Variants in DPH5 observed in about 807,000 individuals in gnomAD.
The protein encoded by DPH5 is diphthamide biosynthesis 5, also known as diphthine methyl ester synthase.
In DPH5, 31 loss-of-function variants were observed where a neutral mutation model predicts 31.6. The observed-to-expected ratio is 0.98, with a 90% CI of 0.74 to 1.32. DPH5 has a LOEUF of 1.32. Among genes scored for constraint, DPH5 ranks in the 40% most tolerant of loss-of-function variants. DPH5 has a pLI of 0.00. For synonymous variants in DPH5, 120 were observed against 115.0 expected, an observed-to-expected ratio of 1.04 and a Z score of -0.28; for missense variants, 309 against 335.7, an observed-to-expected ratio of 0.92 and a Z score of 0.62.
At chr1:100,998,507 T>TA (rs5776553) in intron 5 of DPH5, among the ~76,000 whole-genome samples, 47 of 137,476 alleles carry the variant, frequency 3.4e-4, no homozygotes, top group African/African-American at 8.9e-4. Context: ...AACCTTATCT[T>TA]AAAAAAAAAA....
intron 4 of DPH5, among the ~76,000 whole-genome samples, chr1:101,009,345 G>A (rs982653961): frequency 6.6e-6 from 1 of 152,198 alleles, no homozygotes; most frequent in African/African-American, 2.4e-5. Flanking sequence ...TCGAGCAGTA[G>A]TAATAGAAGA....
intron 5 of DPH5, among the ~76,000 whole-genome samples, chr1:100,997,587 G>A (rs953438432): frequency 2.4e-4 from 36 of 152,108 alleles, no homozygotes; most frequent in African/African-American, 8.4e-4. Flanking sequence ...AGATGGTCTC[G>A]ATCTTCTGAC....
At chr1:101,019,249 A>G (rs1660291036) in intron 3 of DPH5, among the ~76,000 whole-genome samples, 1 of 152,126 alleles carries the variant, frequency 6.6e-6, no homozygotes, top group Non-Finnish European at 1.5e-5. Flanking sequence ...TGTGTGATCT[A>G]TTTCCATATT....
intron 4 of DPH5, among the ~76,000 whole-genome samples, chr1:101,006,892 A>T (rs1266820908): frequency 6.6e-6 from 1 of 152,204 alleles, no homozygotes; most frequent in African/African-American, 2.4e-5. Context: ...AATGATAGGA[A>T]ATTATACAAC....
At chr1:101,007,968 ATATGT>A (rs1289079126) in intron 4 of DPH5, among the ~76,000 whole-genome samples, 7 of 152,348 alleles carry the variant, frequency 4.6e-5, no homozygotes, top group African/African-American at 1.4e-4. Flanking sequence ...AGTGTTAGAA[ATATGT>A]TAGGAATTTA....
intron 4 of DPH5, among the ~76,000 whole-genome samples, chr1:101,003,459 C>T (rs1659013890): frequency 6.6e-6 from 1 of 152,174 alleles, no homozygotes; most frequent in Non-Finnish European, 1.5e-5. Context: ...ATGTCTCATA[C>T]AGCAGAGAAA....
At chr1:101,021,123 CAA>C (rs1660406697) in intron 3 of DPH5, among the ~76,000 whole-genome samples, 1 of 151,962 alleles carries the variant, frequency 6.6e-6, no homozygotes, top group African/African-American at 2.4e-5. Context: ...GTGGTAATGA[CAA>C]AGAACAGGGT....
chr1:101,025,564 G>A (rs1256221281), intron 1 of DPH5, 98 bp from the exon 2 acceptor site: 7 of 1,249,570 alleles, frequency 5.6e-6, no homozygotes, highest in East Asian at 2.5e-5. Context: ...CAAGAGAAGA[G>A]GCAAGTCACA....
chr1:101,014,530 T>C lies in DPH5; in HGVS notation c.261-712A>G, dbSNP rs115795416. 5.9e-3 allele frequency among the ~76,000 whole-genome samples: 894 copies of C among 152,340 alleles called. 5 individuals are homozygous for C. The highest frequency in any genetic ancestry group is 0.021 in the African/African-American group (862 of 41,564). On this transcript the variant is annotated intron_variant, in intron 3 of 7. Coordinates refer to ENST00000370109, the MANE Select transcript of DPH5 (RefSeq NM_015958.3). ...TCATCTGAGCCTTCAGTGAGTTTAA[T>C]CTTTTTGCTAGTGGATGGTCTTGGC... is the stretch of plus-strand genomic sequence containing the variant.
chr1:100,999,882 C>T (rs916711441), intron 5 of DPH5, among the ~76,000 whole-genome samples: 22 of 150,682 alleles, frequency 1.5e-4, no homozygotes, highest in African/African-American at 4.6e-4. Context: ...CAGTGGCTCA[C>T]GCTTGTAATC....
At chr1:101,019,228 T>C (rs1247356156) in intron 3 of DPH5, among the ~76,000 whole-genome samples, 1 of 152,190 alleles carries the variant, frequency 6.6e-6, no homozygotes, top group Non-Finnish European at 1.5e-5. Flanking sequence ...TTTAGACTCA[T>C]TTACTTTCTT....
chr1:100,993,550 G>A (rs543284323), intron 6 of DPH5, among the ~76,000 whole-genome samples: 4 of 45,590 alleles, frequency 8.8e-5, no homozygotes, highest in South Asian at 9.7e-4. Flanking sequence ...AGACTCTGTC[G>A]AAAATATAAA....
At chr1:101,010,690 T>C (rs1001148887) in intron 4 of DPH5, among the ~76,000 whole-genome samples, 2 of 152,178 alleles carry the variant, frequency 1.3e-5, no homozygotes, top group Non-Finnish European at 2.9e-5. Context: ...GATGACAGAA[T>C]GCCTTTTCAC....
At chr1:101,008,142 A>G (rs578036814) in intron 4 of DPH5, among the ~76,000 whole-genome samples, 1 of 152,322 alleles carries the variant, frequency 6.6e-6, no homozygotes, top group Non-Finnish European at 1.5e-5. Flanking sequence ...CCAAATCTAT[A>G]TTAGACCTTA....
At chr1:101,001,381 T>TG (rs1378247180) in intron 5 of DPH5, 86 bp downstream of exon 5, 7 of 1,377,102 alleles carry the variant, frequency 5.1e-6, no homozygotes, top group Non-Finnish European at 6.0e-6. Context: ...CTCTAGCTAA[T>TG]TATCCACAGA....
intron 4 of DPH5, among the ~76,000 whole-genome samples, chr1:101,009,038 G>C (rs1440869659): frequency 1.3e-5 from 2 of 152,074 alleles, no homozygotes; most frequent in Non-Finnish European, 2.9e-5. Flanking sequence ...CATGTAAACA[G>C]AATCAAATAA....
In DPH5 at chr1:101,019,526, T is replaced by C. The variant is rs111987671; in HGVS notation, c.260+2115A>G. On this transcript the variant is annotated intron_variant, in intron 3 of 7. Transcript: ENST00000370109. ...TCTTAAACAATCTTCTTTTTATATA[T>C]TTTATTTAAATAAGAAGGGGTCTTA... is the stretch of plus-strand genomic sequence containing the variant. Among the ~76,000 whole-genome samples the C allele has an allele frequency of 6.4e-3, 971 of 152,282 alleles. 16 individuals are homozygous for C. The highest frequency in any genetic ancestry group is 0.02 in the African/African-American group (842 of 41,558).
Position 101,021,705 on chromosome 1 carries a change from C to T in DPH5, c.196G>A (p.Asp66Asn). ...ATATCAGCATCCTTTAAAATATTATCTGCTTCTTGTTCCACTTCTTCTCTA... is the reference window on the plus strand; with the variant it reads ...ATATCAGCATCCTTTAAAATATTATTTGCTTCTTGTTCCACTTCTTCTCTA... Reference protein sequence around the residue: ...ADREEVEQEADNILKDADISD... With the variant: ...ADREEVEQEANNILKDADISD... Residue 66 changes from aspartate to asparagine, a missense_variant, in exon 3 of 8, where the codon GAT (aspartate) becomes AAT (asparagine). Transcript: ENST00000370109. The T allele has an allele frequency of 6.2e-7, 1 of 1,613,922 alleles. No homozygotes were observed.
At chr1:101,025,581 G>T in intron 1 of DPH5, 102 bp downstream of exon 1, 1 of 1,048,810 alleles carries the variant, frequency 9.5e-7, no homozygotes, top group Non-Finnish European at 1.4e-6. Flanking sequence ...CACAAGGAGG[G>T]GTTTGGGAAC....
Sources: allele counts gnomAD v4.1 joint callset (sites outside exome capture counted in the v4.1 genomes callset), GRCh38; gene constraint gnomAD v4.1.1; transcripts MANE v1.5; gene names NCBI Gene and HGNC (gene_info 2026-07-23, HGNC 2026-07-21).